The following SCARA5 variants were observed in gnomAD, a reference collection of about 807,000 sequenced individuals.
SCARA5 encodes scavenger receptor class A, member 5 (putative).
Under a neutral mutation model 46.3 loss-of-function variants are expected in SCARA5, and 45 were observed. The observed-to-expected ratio is 0.97, with a 90% CI of 0.76 to 1.24. The LOEUF (loss-of-function observed/expected upper bound fraction) is 1.24. SCARA5 is among the 50% of genes most tolerant of loss of function. SCARA5 has a pLI of 0.00. For synonymous variants in SCARA5, 333 were observed against 306.5 expected (o/e 1.09, Z -0.90); for missense variants, 680 against 689.0 (o/e 0.99, Z 0.15).
At chr8:27,923,616 G>T (rs988724626) in intron 3 of SCARA5, among the ~76,000 whole-genome samples, 1 of 151,984 alleles carries the variant, frequency 6.6e-6, no homozygotes, top group Non-Finnish European at 1.5e-5. Flanking sequence ...TGTTGCTGTC[G>T]CCAGGTTGGA....
intron 2 of SCARA5, among the ~76,000 whole-genome samples, chr8:27,971,043 G>T (rs1236439007): frequency 6.6e-6 from 1 of 152,250 alleles, no homozygotes; most frequent in Admixed American, 6.5e-5. Context: ...GGGAAGGAGA[G>T]ACTTTGTTAG....
chr8:27,877,267 C>A (rs1265164204), intron 8 of SCARA5, among the ~76,000 whole-genome samples: 1 of 152,146 alleles, frequency 6.6e-6, no homozygotes, highest in Non-Finnish European at 1.5e-5. Flanking sequence ...TCTTGAATAG[C>A]ACCTGAGACC....
At chr8:27,895,680 TGGGTTTCCAAAGTGCTGTGTCTCCACTTA>T (rs1807053439) in intron 7 of SCARA5, among the ~76,000 whole-genome samples, 1 of 152,198 alleles carries the variant, frequency 6.6e-6, no homozygotes, top group East Asian at 1.9e-4. Flanking sequence ...GGACCACACC[TGGGTTTCCAAAGTGCTGTGTCTCCACTTA>T]GGGGTCAGAC....
At chr8:27,983,783 C>T (rs543393930) in intron 2 of SCARA5, among the ~76,000 whole-genome samples, 183 of 152,274 alleles carry the variant, frequency 1.2e-3, no homozygotes, top group Non-Finnish European at 1.9e-3. Context: ...TGCCAGTGAC[C>T]GGACCCGGGA....
chr8:27,990,647 T>C (rs950319550), intron 1 of SCARA5, among the ~76,000 whole-genome samples: 2 of 152,216 alleles, frequency 1.3e-5, no homozygotes, highest in Non-Finnish European at 2.9e-5. Flanking sequence ...GAATTGCATG[T>C]CAGCCCCTTT....
intron 3 of SCARA5, among the ~76,000 whole-genome samples, chr8:27,963,936 C>G (rs1266267898): frequency 6.6e-6 from 1 of 152,120 alleles, no homozygotes; most frequent in Admixed American, 6.5e-5. Flanking sequence ...AAATGGATCT[C>G]CTGTGCAAGG....
rs570869507 is a variant in SCARA5, at chr8:27,889,281, C to G, written c.1154-9515G>C. ...CTTCCATTAGCTTAGTTGTCGGCAACAGATGTCCCATTACTTAGTGCTTGG... is the reference window on the plus strand; with the variant it reads ...CTTCCATTAGCTTAGTTGTCGGCAAGAGATGTCCCATTACTTAGTGCTTGG... On this transcript the variant is annotated intron_variant, in intron 7 of 8. Transcript: ENST00000354914. 2.6e-5 allele frequency among the ~76,000 whole-genome samples: 4 copies of G among 152,342 alleles called. No homozygotes were observed. In the East Asian group the frequency reaches 7.7e-4, roughly 29 times the overall value.
intron 2 of SCARA5, among the ~76,000 whole-genome samples, chr8:27,970,170 G>A (rs1808427675): frequency 6.6e-6 from 1 of 152,184 alleles, no homozygotes; most frequent in South Asian, 2.1e-4. Context: ...AGAGGCTTAT[G>A]TGGTGAGGAA....
At chr8:27,981,212 G>A (rs1209129239) in intron 2 of SCARA5, among the ~76,000 whole-genome samples, 1 of 152,206 alleles carries the variant, frequency 6.6e-6, no homozygotes, top group Non-Finnish European at 1.5e-5. Context: ...GGCCCTGGCA[G>A]AAACAGAAGG....
At chr8:27,951,572 G>A (rs1040426646) in intron 3 of SCARA5, among the ~76,000 whole-genome samples, 6 of 152,230 alleles carry the variant, frequency 3.9e-5, no homozygotes, top group South Asian at 4.1e-4. Context: ...CAGGAGACCC[G>A]AGGCTGGACC....
intron 7 of SCARA5, among the ~76,000 whole-genome samples, chr8:27,895,925 C>T (rs1807058024): frequency 6.6e-6 from 1 of 152,176 alleles, no homozygotes; most frequent in Admixed American, 6.5e-5. Context: ...TGTGTCTGAT[C>T]AAATAATAAA....
At chr8:27,900,986 T>C (rs1807143764) in intron 7 of SCARA5, among the ~76,000 whole-genome samples, 1 of 152,068 alleles carries the variant, frequency 6.6e-6, no homozygotes, top group African/African-American at 2.4e-5. Context: ...TGTTGGTCTC[T>C]GTTCTGAAAA....
At chr8:27,977,388 T>G (rs1808541968) in intron 2 of SCARA5, among the ~76,000 whole-genome samples, 1 of 152,102 alleles carries the variant, frequency 6.6e-6, no homozygotes. Context: ...GCTATCTCCC[T>G]CCCTGACTCC....
At chr8:27,908,058 G>A (rs1020017762) in intron 5 of SCARA5, among the ~76,000 whole-genome samples, 16 of 150,936 alleles carry the variant, frequency 1.1e-4, no homozygotes, top group African/African-American at 3.7e-4. Context: ...AGTGTTGGAG[G>A]CAGGATCTGA....
chr8:27,962,161 A>G (rs920741552), intron 3 of SCARA5, among the ~76,000 whole-genome samples: 2 of 152,250 alleles, frequency 1.3e-5, no homozygotes, highest in Non-Finnish European at 2.9e-5. Flanking sequence ...TGAAGTCTCT[A>G]TACTTGCTGC....
chr8:27,955,636 C>T (rs1808196252), intron 3 of SCARA5, among the ~76,000 whole-genome samples: 1 of 152,242 alleles, frequency 6.6e-6, no homozygotes, highest in African/African-American at 2.4e-5. Flanking sequence ...GCCCAACATT[C>T]CACCCTCCAC....
Position 27,921,942 on chromosome 8 carries a change from T to TGGTA in SCARA5, c.544_545insTACC (p.Gln182LeufsTer15), listed in dbSNP as rs1287479474. 1 of 1,540,992 alleles carries TGGTA rather than the reference T, an allele frequency of 6.5e-7. No homozygotes were observed. The highest frequency in any genetic ancestry group is 2.4e-5 in the East Asian group (1 of 41,420). On this transcript the variant is annotated frameshift_variant, in exon 4 of 9. Coordinates refer to ENST00000354914, the MANE Select transcript of SCARA5 (RefSeq NM_173833.6). LOFTEE classifies it high-confidence loss of function. The stretch of plus-strand genomic sequence containing the variant: ...CACCTGCAGCTGGTAGAGCTCCAGC[T>TGGTA]GCGCCGTGTCGCTCTGCTGGCCCGT...
chr8:27,962,776 C>T (rs1394034390), intron 3 of SCARA5, among the ~76,000 whole-genome samples: 2 of 152,152 alleles, frequency 1.3e-5, no homozygotes, highest in Non-Finnish European at 2.9e-5. Flanking sequence ...TCACATTGCC[C>T]GACAATGGGT....
intron 3 of SCARA5, among the ~76,000 whole-genome samples, chr8:27,933,536 A>AAAG (rs1396503447): frequency 3.3e-5 from 5 of 150,704 alleles, no homozygotes; most frequent in Admixed American, 1.3e-4. Flanking sequence ...AAAAAAAAAA[A>AAAG]AGAGACAACA....
Sources: gnomAD v4.1 joint callset for allele counts (sites outside exome capture counted in the v4.1 genomes callset) on GRCh38, gnomAD v4.1.1 for gene constraint, MANE v1.5 for transcripts, NCBI Gene and HGNC (gene_info 2026-07-23, HGNC 2026-07-21) for gene names.